Variants in SNX5 observed in about 807,000 individuals in gnomAD.
The protein encoded by SNX5 is sorting nexin 5.
Under a neutral mutation model 53.9 loss-of-function variants are expected in SNX5, and 31 were observed. The ratio of observed to expected loss-of-function variants is 0.58; its 90% CI spans 0.43 to 0.78. SNX5 has a LOEUF of 0.78. SNX5 is among the 30% of genes least tolerant of loss of function. SNX5 has a pLI of 0.00. For synonymous variants in SNX5, 168 were observed against 171.1 expected (o/e 0.98, Z 0.14); for missense variants, 471 against 478.8 (o/e 0.98, Z 0.15).
rs745830027 is a variant in SNX5 at position 17,956,996 on chromosome 20, A to G, written c.93T>C (p.Leu31=). The G allele has an allele frequency of 1.2e-5, 19 of 1,610,382 alleles. No individual in the cohort carries two copies. The Admixed American group carries it at 3.2e-4, about 27-fold the overall frequency. Residue 31 remains leucine, a synonymous_variant, in exon 2 of 13, where the codon CTT becomes CTC. Coordinates refer to ENST00000377759, the MANE Select transcript of SNX5 (RefSeq NM_014426.4). Reference sequence around the variant, plus strand: ...TGAGCGCATCAGGTATGTCAATCTGAAGCGAGGGATCAACATTCAGGTCCA... The same window carrying G: ...TGAGCGCATCAGGTATGTCAATCTGGAGCGAGGGATCAACATTCAGGTCCA... The part of the protein sequence containing the change: ...VSVDLNVDPS[L]QIDIPDALSE...
intron 1 of SNX5, chr20:17,962,666 C>T (rs1335938228): frequency 2.1e-6 from 1 of 472,660 alleles, no homozygotes; most frequent in Non-Finnish European, 4.2e-6. Context: ...GCTATTAAAG[C>T]TACTCAGGCA....
intron 12 of SNX5, 87 bp from the exon 13 acceptor site, chr20:17,942,494 T>C: frequency 2.0e-6 from 2 of 1,018,854 alleles, no homozygotes; most frequent in East Asian, 4.8e-5. Context: ...ACACGGCTTT[T>C]CACGGGAGGT....
intron 2 of SNX5, among the ~76,000 whole-genome samples, chr20:17,956,597 C>T (rs1364904306): frequency 1.4e-5 from 2 of 143,392 alleles, no homozygotes; most frequent in African/African-American, 2.7e-5. Context: ...ATTGCTTGAA[C>T]CCGGGAGGCA....
chr20:17,954,690 G>A (rs569502182), intron 3 of SNX5, among the ~76,000 whole-genome samples: 1 of 152,176 alleles, frequency 6.6e-6, no homozygotes, highest in South Asian at 2.1e-4. Context: ...ACAATCAAGG[G>A]CTGAAAACTG....
At chr20:17,966,597 G>T (rs746583350) in intron 1 of SNX5, among the ~76,000 whole-genome samples, 1 of 152,066 alleles carries the variant, frequency 6.6e-6, no homozygotes, top group Non-Finnish European at 1.5e-5. Context: ...AATGAGTATT[G>T]GGCTAGAATT....
chr20:17,943,369 T>C, intron 11 of SNX5, 174 bp from the exon 12 acceptor site: 1 of 588,426 alleles, frequency 1.7e-6, no homozygotes, highest in Admixed American at 3.0e-5. Context: ...CTATTAACTG[T>C]GGTGATACAG....
intron 1 of SNX5, among the ~76,000 whole-genome samples, chr20:17,958,388 A>G (rs2035397591): frequency 6.6e-6 from 1 of 152,248 alleles, no homozygotes; most frequent in Admixed American, 6.5e-5. Context: ...CAGCTATAAA[A>G]AGACTAAATA....
At chr20:17,963,885 C>G (rs1402683773) in intron 1 of SNX5, among the ~76,000 whole-genome samples, 1 of 140,592 alleles carries the variant, frequency 7.1e-6, no homozygotes, top group African/African-American at 2.7e-5. Context: ...AGGCTGCCCG[C>G]TTTTTGGTTG....
chr20:17,953,377 T>C (rs1568592085), intron 4 of SNX5, among the ~76,000 whole-genome samples: 1 of 152,218 alleles, frequency 6.6e-6, no homozygotes, highest in Non-Finnish European at 1.5e-5. Context: ...TCTATTTTTG[T>C]TTGAAAAAAT....
At chr20:17,947,449 C>A in intron 11 of SNX5, 37 bp downstream of exon 11, 1 of 1,585,174 alleles carries the variant, frequency 6.3e-7, no homozygotes, top group South Asian at 1.2e-5. Flanking sequence ...AAATTATTTT[C>A]AAATTACAGT....
chr20:17,958,157 C>A (rs1203038301), intron 1 of SNX5, among the ~76,000 whole-genome samples: 3 of 152,152 alleles, frequency 2.0e-5, no homozygotes, highest in African/African-American at 7.2e-5. Context: ...GAACTCATAG[C>A]GTAAGCATCT....
chr20:17,948,955 A>T lies in SNX5; in HGVS notation c.853T>A (p.Ser285Thr), dbSNP rs2039525953. ...TCTGTTAGCTTCAAATCTTCATCTG[A>T]TGAAACTCGACCCTCTACTTTCTAT... ...KLRKVEGRVS[S>T]DEDLKLTELL... The change falls in exon 10 of 13, where the codon TCA becomes ACA. Residue 285 changes from serine (S) to threonine (T), a missense_variant. Physicochemically the swap from Ser to Thr is moderately conservative, Grantham distance 58. Transcript: ENST00000377759. 1 of 1,612,422 alleles carries T rather than the reference A, an allele frequency of 6.2e-7. No homozygotes were observed. The highest frequency in any genetic ancestry group is 1.7e-5 in the Admixed American group (1 of 59,996).
rs2035372714 is a variant in SNX5, at chr20:17,957,002, G to A, written c.87C>T (p.Pro29=). The A allele has an allele frequency of 1.9e-6, 3 of 1,609,202 alleles. No individual in the cohort carries two copies. The highest frequency in any genetic ancestry group is 1.7e-6 in the Non-Finnish European group (2 of 1,175,620). ...CATCAGGTATGTCAATCTGAAGCGA[G>A]GGATCAACATTCAGGTCCACAGATA... ...RSVSVDLNVD[P]SLQIDIPDAL... Residue 29 remains proline, a synonymous_variant, in exon 2 of 13, where the codon CCC becomes CCT. Coordinates refer to ENST00000377759, the MANE Select transcript of SNX5 (RefSeq NM_014426.4).
rs545649463 is a variant in SNX5 at position 17,948,899 on chromosome 20, T to C, written c.909A>G (p.Glu303=). 2.5e-6 allele frequency: 4 copies of C among 1,611,944 alleles called. No homozygotes were observed. Among genetic ancestry groups the C allele is most frequent in the Admixed American group, 3.3e-5 (2 of 60,016 alleles). Residue 303 remains glutamate, a synonymous_variant, in exon 10 of 13, where the codon GAA becomes GAG. Coordinates refer to ENST00000377759, the MANE Select transcript of SNX5 (RefSeq NM_014426.4). The part of the protein sequence containing the change: ...ELLRYYMLNI[E]AAKDLLYRRT... ...GCAACTCTCTTCCTACCTTAGCAGCTTCAATGTTGAGCATGTAGTATCGGA... is the reference window on the plus strand; with the variant it reads ...GCAACTCTCTTCCTACCTTAGCAGCCTCAATGTTGAGCATGTAGTATCGGA...
At chr20:17,967,755 C>T (rs931195374) in intron 1 of SNX5, 42 of 268,928 alleles carry the variant, frequency 1.6e-4, no homozygotes, top group African/African-American at 8.7e-4. Context: ...CCTCAAGATA[C>T]ACGTGACCTA....
intron 3 of SNX5, among the ~76,000 whole-genome samples, chr20:17,954,835 C>T (rs1442050090): frequency 1.3e-5 from 2 of 152,168 alleles, no homozygotes; most frequent in Non-Finnish European, 2.9e-5. Context: ...CTCAGCCTCC[C>T]CAGTGGCTGG....
chr20:17,959,539 A>G (rs1356212619), intron 1 of SNX5, among the ~76,000 whole-genome samples: 2 of 152,202 alleles, frequency 1.3e-5, no homozygotes, highest in African/African-American at 2.4e-5. Context: ...ACTTGACATG[A>G]CAGTCCTAAC....
At position 17,956,888 on chromosome 20, in the gene SNX5, G is replaced by C. The variant is rs569147661; in HGVS notation, c.156+45C>G. Reference sequence around the variant, plus strand: ...TTCTCACATCCACTGTGAATAACAAGGCTGCAACCTAGCACTGTATGTATT... The same window carrying C: ...TTCTCACATCCACTGTGAATAACAACGCTGCAACCTAGCACTGTATGTATT... On this transcript the variant is annotated intron_variant, in intron 2 of 12. Coordinates refer to ENST00000377759, the MANE Select transcript of SNX5 (RefSeq NM_014426.4). 10 of 972,836 alleles carry C rather than the reference G, an allele frequency of 1.0e-5. No homozygotes were observed. In the South Asian group the frequency reaches 1.2e-4, roughly 11 times the overall value. 60.3% of individuals were successfully genotyped at this position (972,836 alleles called of 1,614,324 possible).
At chr20:17,952,065 T>C (rs897458434) in intron 5 of SNX5, among the ~76,000 whole-genome samples, 12 of 151,926 alleles carry the variant, frequency 7.9e-5, no homozygotes, top group Non-Finnish European at 2.9e-5. Flanking sequence ...CTACTAAAAA[T>C]ACAAAAAATA....
Sources: gnomAD v4.1 joint callset for allele counts (sites outside exome capture counted in the v4.1 genomes callset) on GRCh38, gnomAD v4.1.1 for gene constraint, MANE v1.5 for transcripts, NCBI Gene and HGNC (gene_info 2026-07-23, HGNC 2026-07-21) for gene names.